The following INPP4B variants were observed in gnomAD, a reference collection of about 807,000 sequenced individuals.
The protein encoded by INPP4B is inositol polyphosphate 4-phosphatase type II.
INPP4B carries 55 observed loss-of-function variants against 122.5 expected under a neutral mutation model. That is an observed-to-expected ratio of 0.45 (90% CI 0.36 to 0.56). The LOEUF is 0.56. Ranked by LOEUF, INPP4B falls within the 20% of genes least tolerant of loss-of-function variation. The pLI is 0.00. For synonymous variants in INPP4B, 403 were observed against 388.7 expected, an observed-to-expected ratio of 1.04 and a Z score of -0.43; for missense variants, 1,000 against 1,097.7, an observed-to-expected ratio of 0.91 and a Z score of 1.26.
At chr4:142,740,686 T>TA (rs886253427) in intron 1 of INPP4B, among the ~76,000 whole-genome samples, 15 of 150,856 alleles carry the variant, frequency 9.9e-5, no homozygotes, top group Admixed American at 2.0e-4. Context: ...GGGTGGACAA[T>TA]AAAAAAAAAT....
At chr4:142,250,045 A>G (rs977164241) in intron 11 of INPP4B, among the ~76,000 whole-genome samples, 5 of 152,272 alleles carry the variant, frequency 3.3e-5, no homozygotes, top group Admixed American at 2.6e-4. Context: ...AAGTCAAACT[A>G]AGTAAGAGCT....
chr4:142,119,448 A>G (rs984313449), intron 21 of INPP4B, among the ~76,000 whole-genome samples: 5 of 152,138 alleles, frequency 3.3e-5, no homozygotes, highest in African/African-American at 1.2e-4. Flanking sequence ...CATATACACC[A>G]TGGAATACTA....
rs9993731 is a variant in INPP4B, at chr4:142,349,774, G to C, written c.373-35012C>G. On this transcript the variant is annotated intron_variant, in intron 7 of 25. Coordinates refer to ENST00000262992, the MANE Select transcript of INPP4B (RefSeq NM_001101669.3). ...ATCTTTAGATTCTTTCCCTCCCCAA[G>C]AATCAAAGAATCACACATGAGCTTA... Among the ~76,000 whole-genome samples the C allele has an allele frequency of 5.3e-3, 798 of 151,528 alleles. 12 individuals carry two copies. Among genetic ancestry groups the C allele is most frequent in the African/African-American group, 0.017 (717 of 41,378 alleles).
intron 2 of INPP4B, among the ~76,000 whole-genome samples, chr4:142,530,758 G>A (rs1419689989): frequency 1.3e-5 from 2 of 151,980 alleles, no homozygotes; most frequent in African/African-American, 4.8e-5. Flanking sequence ...AATATCTGGA[G>A]GAAGTACATT....
At chr4:142,572,583 T>C (rs2150165177) in intron 2 of INPP4B, among the ~76,000 whole-genome samples, 1 of 152,222 alleles carries the variant, frequency 6.6e-6, no homozygotes, top group African/African-American at 2.4e-5. Context: ...AGGATTGGAA[T>C]GGATAGAGAG....
intron 2 of INPP4B, among the ~76,000 whole-genome samples, chr4:142,718,351 G>A (rs1039255500): frequency 6.6e-6 from 1 of 152,118 alleles, no homozygotes; most frequent in African/African-American, 2.4e-5. Flanking sequence ...AAAACTGGCG[G>A]GCTCTCTATT....
At chr4:142,147,286 T>C (rs1301889382) in intron 17 of INPP4B, among the ~76,000 whole-genome samples, 1 of 152,234 alleles carries the variant, frequency 6.6e-6, no homozygotes, top group African/African-American at 2.4e-5. Context: ...ATTTTGCTAC[T>C]TCATAAACAT....
intron 2 of INPP4B, among the ~76,000 whole-genome samples, chr4:142,691,332 T>TGG (rs879580153): frequency 2.7e-5 from 4 of 150,490 alleles, no homozygotes; most frequent in Admixed American, 6.6e-5. Flanking sequence ...GGCAAAGTTT[T>TGG]TTTTTTTTTT....
intron 1 of INPP4B, among the ~76,000 whole-genome samples, chr4:142,804,857 G>C (rs541296939): frequency 6.6e-6 from 1 of 152,190 alleles, no homozygotes; most frequent in East Asian, 1.9e-4. Flanking sequence ...TGTAGAGATG[G>C]GGTTTCGCCA....
intron 9 of INPP4B, among the ~76,000 whole-genome samples, chr4:142,271,984 G>T (rs554266371): frequency 6.6e-6 from 1 of 152,214 alleles, no homozygotes; most frequent in African/African-American, 2.4e-5. Flanking sequence ...TTTTTCACTT[G>T]AGCCTTTTGT....
intron 2 of INPP4B, among the ~76,000 whole-genome samples, chr4:142,589,947 T>A (rs115412956): frequency 6.6e-6 from 1 of 152,046 alleles, no homozygotes; most frequent in African/African-American, 2.4e-5. Context: ...TATTCAGCAA[T>A]TAAAAAATAA....
chr4:142,127,138 C>A (rs1466520781), intron 18 of INPP4B, among the ~76,000 whole-genome samples: 3 of 152,128 alleles, frequency 2.0e-5, no homozygotes, highest in African/African-American at 7.2e-5. Context: ...ATTCAAGTAA[C>A]TGATTTTTAC....
At chr4:142,408,600 G>T (rs1043807417) in intron 5 of INPP4B, among the ~76,000 whole-genome samples, 2 of 152,108 alleles carry the variant, frequency 1.3e-5, no homozygotes, top group African/African-American at 4.8e-5. Flanking sequence ...ACTTACCACT[G>T]CTCATTAACC....
chr4:142,424,551 A>G (rs1807619415), intron 5 of INPP4B, among the ~76,000 whole-genome samples: 1 of 152,138 alleles, frequency 6.6e-6, no homozygotes, highest in African/African-American at 2.4e-5. Context: ...ATAGTTAAAT[A>G]AAGGCCATAT....
Position 142,307,822 on chromosome 4 carries a change from T to G in INPP4B, c.424-2285A>C, listed in dbSNP as rs540834727. ...GAAACTCCAAAATTGCAAATTATTT[T>G]CTATTTGCCTTTTAAGATTTTGGAG... On this transcript the variant is annotated intron_variant, in intron 8 of 25. Transcript: ENST00000262992. Among the ~76,000 whole-genome samples, 3 of 152,334 alleles carry G rather than the reference T, an allele frequency of 2.0e-5. No individual in the cohort carries two copies. In the East Asian group the frequency reaches 5.8e-4, roughly 29 times the overall value.
intron 9 of INPP4B, among the ~76,000 whole-genome samples, chr4:142,294,829 C>CAAAAAAAAAAAAAAAA (rs57430432): frequency 0.12 from 3,371 of 28,514 alleles, 1,212 homozygotes; most frequent in Non-Finnish European, 0.16. Flanking sequence ...GACTCCGTCT[C>CAAAAAAAAAAAAAAAA]AAAAAAAAAA....
intron 2 of INPP4B, among the ~76,000 whole-genome samples, chr4:142,675,563 A>G (rs909859399): frequency 6.6e-6 from 1 of 152,198 alleles, no homozygotes. Flanking sequence ...ATTTCAGGCC[A>G]ATATCCCTGA....
chr4:142,225,864 T>C (rs1851310106), intron 12 of INPP4B, among the ~76,000 whole-genome samples: 1 of 152,204 alleles, frequency 6.6e-6, no homozygotes, highest in Non-Finnish European at 1.5e-5. Context: ...AACACTGTTT[T>C]AGGCCTAGGA....
In INPP4B at chr4:142,431,361, G is replaced by T; in HGVS notation, c.-102C>A. 1.3e-6 allele frequency: 1 copy of T among 774,306 alleles called. No individual in the cohort carries two copies. The highest frequency in any genetic ancestry group is 2.2e-6 in the Non-Finnish European group (1 of 454,872). 48.0% of individuals were successfully genotyped at this position (774,306 alleles called of 1,614,324 possible). ...AGATGTATCTTCACACTAAAGATCT[G>T]ATATCCCACTCTGAAATTCTGTACC... On this transcript the variant is annotated 5_prime_UTR_variant, in exon 4 of 26. Transcript: ENST00000262992.
Sources: allele counts gnomAD v4.1 joint callset (sites outside exome capture counted in the v4.1 genomes callset), GRCh38; gene constraint gnomAD v4.1.1; transcripts MANE v1.5; gene names NCBI Gene and HGNC (gene_info 2026-07-23, HGNC 2026-07-21).